GALNT14: variants seen among roughly 807,000 people sequenced by gnomAD.
The protein encoded by GALNT14 is polypeptide N-acetylgalactosaminyltransferase 14.
In GALNT14, 60 loss-of-function variants were observed where a neutral mutation model predicts 77.5. The observed-to-expected ratio is 0.77, with a 90% CI of 0.63 to 0.96. The LOEUF is 0.96. Ranked by LOEUF, GALNT14 falls within the 40% of genes least tolerant of loss-of-function variation. GALNT14 has a pLI of 0.00. For missense variants in GALNT14, 710 were observed against 731.0 expected, an observed-to-expected ratio of 0.97 and a Z score of 0.33; for synonymous variants, 280 against 281.7, an observed-to-expected ratio of 0.99 and a Z score of 0.06.
intron 1 of GALNT14, among the ~76,000 whole-genome samples, chr2:31,077,937 G>T (rs572366657): frequency 3.9e-5 from 6 of 152,330 alleles, no homozygotes; most frequent in Non-Finnish European, 5.9e-5. Flanking sequence ...TGTATAGTAG[G>T]TTACAAAATA....
At chr2:30,922,620 T>C (rs1024112093) in intron 13 of GALNT14, among the ~76,000 whole-genome samples, 4 of 152,234 alleles carry the variant, frequency 2.6e-5, no homozygotes, top group African/African-American at 9.6e-5. Context: ...TCTCTGAGAA[T>C]ACAACTCATT....
At chr2:31,108,605 G>C (rs186280697) in intron 1 of GALNT14, among the ~76,000 whole-genome samples, 1 of 152,154 alleles carries the variant, frequency 6.6e-6, no homozygotes, top group African/African-American at 2.4e-5. Context: ...TTGGGCATTC[G>C]GTTTTTCCAA....
chr2:30,920,630 T>TACACACACACACAC (rs140659655), intron 13 of GALNT14, among the ~76,000 whole-genome samples: 1 of 145,104 alleles, frequency 6.9e-6, no homozygotes, highest in South Asian at 2.2e-4. Context: ...GAGTGTATGC[T>TACACACACACACAC]ACACACACAC....
chr2:31,035,304 G>T (rs1384164097), intron 1 of GALNT14, among the ~76,000 whole-genome samples: 1 of 151,908 alleles, frequency 6.6e-6, no homozygotes, highest in African/African-American at 2.4e-5. Flanking sequence ...GTTCACATTT[G>T]TTATGTCTTC....
intron 3 of GALNT14, among the ~76,000 whole-genome samples, chr2:30,964,865 T>C (rs1297998222): frequency 6.6e-6 from 1 of 152,194 alleles, no homozygotes; most frequent in African/African-American, 2.4e-5. Flanking sequence ...CACCTGGAAC[T>C]TCCCACTGCC....
At chr2:31,012,095 A>G (rs918367428) in intron 1 of GALNT14, among the ~76,000 whole-genome samples, 1 of 152,244 alleles carries the variant, frequency 6.6e-6, no homozygotes, top group Non-Finnish European at 1.5e-5. Context: ...TTCTCTTTGC[A>G]GAGCCGACCA....
chr2:30,926,742 G>C (rs532095426), intron 11 of GALNT14, among the ~76,000 whole-genome samples: 1 of 149,600 alleles, frequency 6.7e-6, no homozygotes, highest in South Asian at 2.2e-4. Flanking sequence ...GGGGACACCA[G>C]AGGGGCCGGG....
chr2:30,921,122 C>T (rs574509338), intron 13 of GALNT14, among the ~76,000 whole-genome samples: 5 of 152,162 alleles, frequency 3.3e-5, no homozygotes, highest in Non-Finnish European at 5.9e-5. Context: ...ACCTTCTGGT[C>T]AAATAAAGGC....
chr2:30,975,060 C>G (rs767417366), intron 2 of GALNT14, among the ~76,000 whole-genome samples: 1 of 152,138 alleles, frequency 6.6e-6, no homozygotes, highest in Non-Finnish European at 1.5e-5. Flanking sequence ...AGAAATTGCC[C>G]AAACTGAAGA....
intron 13 of GALNT14, among the ~76,000 whole-genome samples, chr2:30,916,830 G>C (rs1162717047): frequency 6.6e-6 from 1 of 151,978 alleles, no homozygotes; most frequent in African/African-American, 2.4e-5. Flanking sequence ...TGTAATCCCA[G>C]CACTTTGGGA....
At chr2:30,969,804 C>T (rs1668236461) in intron 2 of GALNT14, among the ~76,000 whole-genome samples, 1 of 152,174 alleles carries the variant, frequency 6.6e-6, no homozygotes. Flanking sequence ...CCATCTGCTC[C>T]TCTGTAACAC....
chr2:31,004,198 G>A (rs1045476626), intron 1 of GALNT14, among the ~76,000 whole-genome samples: 1 of 152,232 alleles, frequency 6.6e-6, no homozygotes, highest in Non-Finnish European at 1.5e-5. Flanking sequence ...AGAAGAGTCT[G>A]TGTCCTCCAG....
chr2:31,054,037 C>T (rs1473176177), intron 1 of GALNT14, among the ~76,000 whole-genome samples: 2 of 152,188 alleles, frequency 1.3e-5, no homozygotes, highest in African/African-American at 4.8e-5. Flanking sequence ...AGGCATGCCT[C>T]CTCTGTGCCA....
chr2:31,129,337 G>A (rs1352136972), intron 1 of GALNT14: 3 of 979,204 alleles, frequency 3.1e-6, no homozygotes, highest in Non-Finnish European at 3.6e-6. Flanking sequence ...TTTGTAAACT[G>A]TAAAACATCA....
chr2:31,127,822 A>T (rs1233410777), intron 1 of GALNT14, among the ~76,000 whole-genome samples: 1 of 152,230 alleles, frequency 6.6e-6, no homozygotes, highest in Non-Finnish European at 1.5e-5. Flanking sequence ...AGTTGATCTG[A>T]GCAAACGATT....
intron 1 of GALNT14, among the ~76,000 whole-genome samples, chr2:31,014,795 C>A (rs1671249054): frequency 6.6e-6 from 1 of 152,132 alleles, no homozygotes; most frequent in Non-Finnish European, 1.5e-5. Flanking sequence ...ATATAGAGTG[C>A]AAAGTTCTGT....
intron 1 of GALNT14, among the ~76,000 whole-genome samples, chr2:31,045,276 G>GGTGCCAAGCTGAGCTCAGAT (rs1205821946): frequency 3.3e-5 from 5 of 152,242 alleles, no homozygotes; most frequent in African/African-American, 1.2e-4. Flanking sequence ...TAACAACTGT[G>GGTGCCAAGCTGAGCTCAGAT]GTGCCAAGCT....
chr2:31,007,446 CA>C (rs1332920254), intron 1 of GALNT14, among the ~76,000 whole-genome samples: 2 of 152,184 alleles, frequency 1.3e-5, no homozygotes, highest in Non-Finnish European at 2.9e-5. Flanking sequence ...ACACGCGTGT[CA>C]CCAATCATTC....
chr2:31,063,647 G>A (rs1320481900), intron 1 of GALNT14, among the ~76,000 whole-genome samples: 1 of 152,072 alleles, frequency 6.6e-6, no homozygotes, highest in Non-Finnish European at 1.5e-5. Context: ...TAATTACTTT[G>A]GGCAGTATGG....
Sources: gnomAD v4.1 joint callset for allele counts (sites outside exome capture counted in the v4.1 genomes callset) on GRCh38, gnomAD v4.1.1 for gene constraint, MANE v1.5 for transcripts, NCBI Gene and HGNC (gene_info 2026-07-23, HGNC 2026-07-21) for gene names.